HECW1: variants seen among roughly 807,000 people sequenced by gnomAD.
The protein encoded by HECW1 is HECT, C2 and WW domain containing E3 ubiquitin protein ligase 1, also known as E3 ubiquitin-protein ligase HECW1.
HECW1 carries 61 observed loss-of-function variants against 182.3 expected under a neutral mutation model. The ratio of observed to expected loss-of-function variants is 0.33; its 90% CI spans 0.27 to 0.41. The LOEUF (loss-of-function observed/expected upper bound fraction) is 0.41, where lower values mean the gene tolerates loss of function less well. Ranked by LOEUF, HECW1 falls within the 10% of genes least tolerant of loss-of-function variation. HECW1 has a pLI of 1.00. For synonymous variants in HECW1, 859 were observed against 832.6 expected (o/e 1.03, Z -0.55); for missense variants, 1,739 against 2,108.9 (o/e 0.82, Z 3.44).
At chr7:43,526,860 G>A (rs999416222) in intron 24 of HECW1, among the ~76,000 whole-genome samples, 1 of 152,158 alleles carries the variant, frequency 6.6e-6, no homozygotes, top group African/African-American at 2.4e-5. Context: ...GCCAGGCATG[G>A]TGGTGTGCAA....
chr7:43,315,244 A>C (rs1445873917), intron 4 of HECW1, among the ~76,000 whole-genome samples: 1 of 152,218 alleles, frequency 6.6e-6, no homozygotes, highest in Non-Finnish European at 1.5e-5. Context: ...AATCTAGAAG[A>C]GCAGAAGCTG....
chr7:43,552,222 G>A lies in HECW1; in HGVS notation c.4396G>A (p.Val1466Ile). The stretch of plus-strand genomic sequence containing the variant: ...TGCTGAAGCCTAACCTGCATTTCAG[G>A]TTGTAGACTCGAGGCTGGTGTCCGT... ...TEALVRGFYE[V>I]VDSRLVSVFD... Residue 1466 changes from valine (V) to isoleucine (I), a missense_variant and splice_region_variant, in exon 28 of 30, where the codon GTT (valine) becomes ATT (isoleucine). Transcript: ENST00000395891. The A allele has an allele frequency of 1.2e-6, 2 of 1,605,666 alleles. No homozygotes were observed. The highest frequency in any genetic ancestry group is 1.7e-6 in the Non-Finnish European group (2 of 1,172,204).
intron 3 of HECW1, among the ~76,000 whole-genome samples, chr7:43,254,488 A>G (rs921117550): frequency 2.0e-5 from 3 of 152,236 alleles, no homozygotes; most frequent in Non-Finnish European, 4.4e-5. Flanking sequence ...CTGACTTACT[A>G]GACAAGCACT....
intron 8 of HECW1, among the ~76,000 whole-genome samples, chr7:43,437,127 TC>T (rs1318821958): frequency 6.6e-6 from 1 of 152,192 alleles, no homozygotes; most frequent in East Asian, 1.9e-4. Flanking sequence ...GTTTGGAGCA[TC>T]CCCCTCTAGA....
intron 5 of HECW1, among the ~76,000 whole-genome samples, chr7:43,332,105 C>G (rs1477866964): frequency 1.3e-5 from 2 of 151,986 alleles, no homozygotes; most frequent in Non-Finnish European, 2.9e-5. Flanking sequence ...GCCCGCTTTC[C>G]TAACAAGAAG....
intron 24 of HECW1, among the ~76,000 whole-genome samples, chr7:43,536,995 G>A (rs747772272): frequency 6.6e-6 from 1 of 152,234 alleles, no homozygotes; most frequent in Non-Finnish European, 1.5e-5. Flanking sequence ...TCTGTGATGT[G>A]CTGAGTTGCA....
chr7:43,257,812 C>G (rs753770945), intron 3 of HECW1, among the ~76,000 whole-genome samples: 1 of 151,906 alleles, frequency 6.6e-6, no homozygotes, highest in East Asian at 1.9e-4. Context: ...TATTTTGCCT[C>G]TCTATGTCTT....
intron 2 of HECW1, among the ~76,000 whole-genome samples, chr7:43,189,465 T>C (rs2040761): frequency 0.46 from 70,033 of 151,922 alleles, 17,201 homozygotes; most frequent in African/African-American, 0.63. Context: ...AAAGAGATTG[T>C]GTGCAGGTCG....
intron 24 of HECW1, among the ~76,000 whole-genome samples, chr7:43,512,889 G>A (rs2079945565): frequency 6.6e-6 from 1 of 152,202 alleles, no homozygotes; most frequent in Non-Finnish European, 1.5e-5. Flanking sequence ...CAGCAACTTT[G>A]CAGTGGTCAA....
At position 43,469,036 on chromosome 7, in the gene HECW1, C is replaced by G. The variant is rs1439616153; in HGVS notation, c.3030C>G (p.Ile1010Met). The part of the protein sequence containing the change: ...YQHNRDLVNF[I>M]NMFADTRLEL... ...ACAACCGGGACTTGGTGAATTTCAT[C>G]AACATGTTCGCAGACACTCGGCTGG... The change falls in exon 16 of 30, where the codon ATC (isoleucine) becomes ATG (methionine). Residue 1010 changes from isoleucine (I) to methionine (M), a missense_variant. Physicochemically the swap from Ile to Met is conservative, Grantham distance 10. This residue lies in a region of HECW1 where 971 missense variants were observed against 1,029.1 expected (regional missense o/e 0.94). Coordinates refer to ENST00000395891, the MANE Select transcript of HECW1 (RefSeq NM_015052.5). 5 of 1,614,200 alleles carry G rather than the reference C, an allele frequency of 3.1e-6. No individual in the cohort carries two copies. The highest frequency in any genetic ancestry group is 4.2e-6 in the Non-Finnish European group (5 of 1,180,044).
intron 3 of HECW1, among the ~76,000 whole-genome samples, chr7:43,303,781 G>T (rs969755272): frequency 3.5e-4 from 54 of 152,148 alleles, no homozygotes; most frequent in African/African-American, 1.3e-3. Flanking sequence ...AGACAGAGAT[G>T]GTGGTTTAGC....
chr7:43,240,737 G>A lies in HECW1; in HGVS notation c.-31-3138G>A, dbSNP rs367958385. Among the ~76,000 whole-genome samples, 40 of 152,338 alleles carry A rather than the reference G, an allele frequency of 2.6e-4. No individual in the cohort carries two copies. The East Asian group carries it at 6.4e-3, about 24-fold the overall frequency. On this transcript the variant is annotated intron_variant, in intron 2 of 29. Transcript: ENST00000395891. ...CAGCGTTGATGAGTAGTGACAGGCC[G>A]TGTCAGATGGTTGATTCACAGGGCT...
intron 16 of HECW1, among the ~76,000 whole-genome samples, chr7:43,469,595 G>A (rs1489138624): frequency 6.6e-6 from 1 of 152,192 alleles, no homozygotes; most frequent in Non-Finnish European, 1.5e-5. Context: ...GCAGGGTGGG[G>A]TGTGCTAGGC....
chr7:43,244,748 G>A (rs531692377), intron 3 of HECW1, among the ~76,000 whole-genome samples: 22 of 152,246 alleles, frequency 1.4e-4, no homozygotes, highest in African/African-American at 2.9e-4. Flanking sequence ...TGTGCTGCTC[G>A]GGTAATACTC....
intron 29 of HECW1, 76 bp from the exon 30 acceptor site, chr7:43,561,739 C>A: frequency 9.9e-7 from 1 of 1,015,098 alleles, no homozygotes; most frequent in East Asian, 2.4e-5. Flanking sequence ...TGAATCACAA[C>A]TTCAGACAGT....
chr7:43,269,992 A>G (rs1802211925), intron 3 of HECW1, among the ~76,000 whole-genome samples: 1 of 152,194 alleles, frequency 6.6e-6, no homozygotes, highest in East Asian at 1.9e-4. Context: ...CTCAGCCTCT[A>G]TATCTTCATC....
At chr7:43,319,441 G>A (rs1321437024) in intron 4 of HECW1, among the ~76,000 whole-genome samples, 2 of 148,870 alleles carry the variant, frequency 1.3e-5, no homozygotes, top group Non-Finnish European at 3.0e-5. Flanking sequence ...AAAGTGATGA[G>A]CAGAGAACAG....
intron 3 of HECW1, among the ~76,000 whole-genome samples, chr7:43,253,001 A>C (rs538204277): frequency 1.2e-4 from 18 of 152,294 alleles, no homozygotes; most frequent in Admixed American, 3.9e-4. Context: ...ACCTTGGAGA[A>C]GTTATTTAGC....
chr7:43,317,535 AT>A (rs1296020041), intron 4 of HECW1, among the ~76,000 whole-genome samples: 2 of 152,192 alleles, frequency 1.3e-5, no homozygotes, highest in African/African-American at 4.8e-5. Flanking sequence ...ATGTAGACTG[AT>A]TTTGGATTTC....
Sources: allele counts gnomAD v4.1 joint callset (sites outside exome capture counted in the v4.1 genomes callset), GRCh38; gene constraint gnomAD v4.1.1; regional missense constraint gnomAD v4.1.1; transcripts MANE v1.5; gene names NCBI Gene and HGNC (gene_info 2026-07-23, HGNC 2026-07-21).